The following ARID1B variants were observed in gnomAD, a reference collection of about 807,000 sequenced individuals.
The protein encoded by ARID1B is AT-rich interaction domain 1B.
ARID1B carries 30 observed loss-of-function variants against 212.3 expected under a neutral mutation model. The observed-to-expected ratio is 0.14, with a 90% CI of 0.11 to 0.19. The LOEUF is 0.19. ARID1B is among the 10% of genes least tolerant of loss of function. The probability of loss-of-function intolerance (pLI) is 1.00; values close to 1 mark genes in which losing one functional copy is unlikely to be tolerated. For synonymous variants in ARID1B, 1,402 were observed against 1,301.7 expected (o/e 1.08, Z -1.66); for missense variants, 2,891 against 3,204.0 (o/e 0.90, Z 2.36).
At chr6:156,885,978 G>T (rs1787470428) in intron 2 of ARID1B, among the ~76,000 whole-genome samples, 2 of 152,120 alleles carry the variant, frequency 1.3e-5, no homozygotes, top group Non-Finnish European at 2.9e-5. Context: ...TTTGAGTACT[G>T]ATGTGATGCT....
At chr6:156,896,040 T>C (rs181099410) in intron 2 of ARID1B, among the ~76,000 whole-genome samples, 10 of 152,376 alleles carry the variant, frequency 6.6e-5, no homozygotes, top group African/African-American at 2.2e-4. Context: ...CATTTTGATA[T>C]GTGGCGTCTT....
intron 6 of ARID1B, among the ~76,000 whole-genome samples, chr6:157,112,523 T>C (rs1475600420): frequency 2.0e-5 from 3 of 152,218 alleles, no homozygotes; most frequent in African/African-American, 7.2e-5. Flanking sequence ...TACAGTTCTT[T>C]TTATTTTAAC....
intron 4 of ARID1B, among the ~76,000 whole-genome samples, chr6:156,969,693 A>G (rs189894502): frequency 6.6e-6 from 1 of 152,338 alleles, no homozygotes; most frequent in African/African-American, 2.4e-5. Flanking sequence ...CTAGAACTCT[A>G]GATGTTAGAC....
intron 1 of ARID1B, among the ~76,000 whole-genome samples, chr6:156,794,475 C>T (rs1780216621): frequency 6.8e-6 from 1 of 147,880 alleles, no homozygotes; most frequent in African/African-American, 2.5e-5. Context: ...GGTCTCTTTA[C>T]ATTCTGGGCG....
intron 4 of ARID1B, among the ~76,000 whole-genome samples, chr6:157,008,455 A>G (rs912552833): frequency 6.6e-6 from 1 of 152,042 alleles, no homozygotes; most frequent in South Asian, 2.1e-4. Flanking sequence ...CCTCATTCCA[A>G]AGTTACTGTT....
At position 156,808,195 on chromosome 6, in the gene ARID1B, A is replaced by G. The variant is rs1384544626; in HGVS notation, c.1792-21032A>G. On this transcript the variant is annotated intron_variant, in intron 1 of 19. Coordinates refer to ENST00000636930, the MANE Select transcript of ARID1B (RefSeq NM_001374828.1). ...TGAGAGCGTTTCCTATTTGGAAGAC[A>G]TCAGCTGGATTTTATTTTATTTTTC... Among the ~76,000 whole-genome samples the G allele has an allele frequency of 2.0e-5, 3 of 152,364 alleles. No homozygotes were observed. The East Asian group carries it at 5.8e-4, about 29-fold the overall frequency.
At chr6:156,969,408 A>G (rs577213045) in intron 4 of ARID1B, among the ~76,000 whole-genome samples, 2 of 152,266 alleles carry the variant, frequency 1.3e-5, no homozygotes, top group South Asian at 4.1e-4. Flanking sequence ...GGCTCTCCCC[A>G]TGAGTGCTGG....
Position 156,804,884 on chromosome 6 carries a change from A to G in ARID1B, c.1792-24343A>G, listed in dbSNP as rs1275837831. 4.0e-5 allele frequency among the ~76,000 whole-genome samples: 6 copies of G among 151,400 alleles called. No homozygotes were observed. The South Asian group carries it at 6.2e-4, about 16-fold the overall frequency. ...CTGATTGGCAAAAAAAAAAAAAAAA[A>G]AAAAAGAAATTGGCCCTTTTTGTGT... On this transcript the variant is annotated intron_variant, in intron 1 of 19. Coordinates refer to ENST00000636930, the MANE Select transcript of ARID1B (RefSeq NM_001374828.1).
At chr6:156,939,073 T>G (rs1303937777) in intron 4 of ARID1B, 2 of 152,210 alleles carry the variant, frequency 1.3e-5, no homozygotes, top group African/African-American at 2.4e-5. Flanking sequence ...TTTCTATACC[T>G]CTTAGTCGTA....
intron 7 of ARID1B, among the ~76,000 whole-genome samples, chr6:157,133,964 G>C (rs543320516): frequency 2.0e-5 from 3 of 152,300 alleles, no homozygotes; most frequent in South Asian, 4.1e-4. Context: ...TAAGACATTT[G>C]AATTTACCAC....
intron 1 of ARID1B, 90 bp downstream of exon 1, chr6:156,779,561 C>T: frequency 2.6e-6 from 3 of 1,148,860 alleles, no homozygotes; most frequent in East Asian, 3.8e-5. Context: ...TACTTTTCCC[C>T]GTCTTCCCGC....
intron 2 of ARID1B, among the ~76,000 whole-genome samples, chr6:156,875,653 A>G (rs1407285527): frequency 6.6e-6 from 1 of 152,224 alleles, no homozygotes; most frequent in Non-Finnish European, 1.5e-5. Context: ...TAAACAGTTC[A>G]TGCCTTTTCA....
At chr6:157,005,852 C>A (rs1313161462) in intron 4 of ARID1B, among the ~76,000 whole-genome samples, 2 of 152,060 alleles carry the variant, frequency 1.3e-5, no homozygotes, top group Non-Finnish European at 2.9e-5. Flanking sequence ...CCTCCTAACT[C>A]CCTGAACTTA....
At chr6:156,989,899 T>C (rs995362264) in intron 4 of ARID1B, among the ~76,000 whole-genome samples, 1 of 152,182 alleles carries the variant, frequency 6.6e-6, no homozygotes, top group African/African-American at 2.4e-5. Flanking sequence ...GAAATAGTGA[T>C]CTCATATTTA....
At chr6:157,093,836 T>G (rs1381964924) in intron 5 of ARID1B, among the ~76,000 whole-genome samples, 1 of 152,248 alleles carries the variant, frequency 6.6e-6, no homozygotes, top group African/African-American at 2.4e-5. Flanking sequence ...TTGTTCCGTT[T>G]CCTTCCTGCC....
At chr6:156,976,700 C>G (rs73578016) in intron 4 of ARID1B, 7,408 of 401,468 alleles carry the variant, frequency 0.018, 482 homozygotes, top group African/African-American at 0.14. Flanking sequence ...GCTGCTCACT[C>G]TCCTGGTCCG....
rs543281753 is a variant in ARID1B, at chr6:156,808,638, TACTA to T, written c.1792-20585_1792-20582del. 3.9e-5 allele frequency among the ~76,000 whole-genome samples: 6 copies of T among 152,344 alleles called. No homozygotes were observed. The East Asian group carries it at 1.2e-3, about 29-fold the overall frequency. Reference sequence around the variant, plus strand: ...AGCTAAAATTGAATATATATAAGTGTACTAACTCTCTATAAAGAAGTCTTTTTCT... The same window carrying T: ...AGCTAAAATTGAATATATATAAGTGTACTCTCTATAAAGAAGTCTTTTTCT... On this transcript the variant is annotated intron_variant, in intron 1 of 19. Coordinates refer to ENST00000636930, the MANE Select transcript of ARID1B (RefSeq NM_001374828.1).
chr6:157,152,983 AGTGT>A (rs1370114525), intron 8 of ARID1B, among the ~76,000 whole-genome samples: 9 of 152,342 alleles, frequency 5.9e-5, no homozygotes, highest in African/African-American at 2.2e-4. Flanking sequence ...AGCGTGAGTG[AGTGT>A]GTGTCTGCAA....
chr6:157,038,570 A>G (rs991343640), intron 4 of ARID1B, among the ~76,000 whole-genome samples: 4 of 152,174 alleles, frequency 2.6e-5, no homozygotes, highest in Non-Finnish European at 5.9e-5. Flanking sequence ...TAACCCTAAT[A>G]AATTTTTTAT....
Sources: allele counts gnomAD v4.1 joint callset (sites outside exome capture counted in the v4.1 genomes callset), GRCh38; gene constraint gnomAD v4.1.1; transcripts MANE v1.5; gene names NCBI Gene and HGNC (gene_info 2026-07-23, HGNC 2026-07-21).